Variants in EFNB2 observed in about 807,000 individuals in gnomAD.
EFNB2 encodes the protein ephrin-B2.
In EFNB2, 5 loss-of-function variants were observed where a neutral mutation model predicts 32.1. The observed-to-expected ratio is 0.16, with a 90% CI of 0.08 to 0.33. The LOEUF (loss-of-function observed/expected upper bound fraction) is 0.33, where lower values mean the gene tolerates loss of function less well. EFNB2 is among the 10% of genes least tolerant of loss of function. EFNB2 has a pLI of 1.00. For missense variants in EFNB2, 263 were observed against 422.6 expected, an observed-to-expected ratio of 0.62 and a Z score of 3.31; for synonymous variants, 168 against 166.5, an observed-to-expected ratio of 1.01 and a Z score of -0.07.
chr13:106,513,023 C>T (rs976497688), intron 1 of EFNB2, among the ~76,000 whole-genome samples: 1 of 152,032 alleles, frequency 6.6e-6, no homozygotes, highest in African/African-American at 2.4e-5. Context: ...AGAAAGAAAC[C>T]ACTTTCCTTA....
chr13:106,534,006 G>C (rs867587024), intron 1 of EFNB2, among the ~76,000 whole-genome samples: 19 of 152,200 alleles, frequency 1.2e-4, no homozygotes, highest in African/African-American at 4.6e-4. Context: ...TCCGGTAAGA[G>C]CAAATCTGAT....
intron 1 of EFNB2, among the ~76,000 whole-genome samples, chr13:106,523,584 G>A (rs1879606207): frequency 6.6e-6 from 1 of 152,178 alleles, no homozygotes; most frequent in Non-Finnish European, 1.5e-5. Flanking sequence ...GTAAGCAGAT[G>A]CTAAGCATGG....
intron 1 of EFNB2, among the ~76,000 whole-genome samples, chr13:106,513,488 T>A (rs1451045336): frequency 6.6e-6 from 1 of 152,188 alleles, no homozygotes; most frequent in African/African-American, 2.4e-5. Context: ...ACAACTACTG[T>A]CCCTGCCCTA....
chr13:106,531,944 TA>T (rs888988517), intron 1 of EFNB2, among the ~76,000 whole-genome samples: 4 of 151,792 alleles, frequency 2.6e-5, no homozygotes, highest in East Asian at 1.9e-4. Flanking sequence ...AATTTTTTTT[TA>T]AAAAAGAGCC....
chr13:106,501,131 AACTCAAATTAATGTAG>A (rs1156872401), intron 2 of EFNB2, among the ~76,000 whole-genome samples: 2 of 152,222 alleles, frequency 1.3e-5, no homozygotes, highest in East Asian at 3.8e-4. Context: ...CAATTTCTGA[AACTCAAATTAATGTAG>A]TTGAATGCCT....
Position 106,493,912 on chromosome 13 carries a change from C to T in EFNB2, c.614-484G>A, listed in dbSNP as rs933888465. ...CTGGCAGAACAGAACAGCTCGGGAA[C>T]GCGGAAGGAGTGAGGGGGCCTGGGA... On this transcript the variant is annotated intron_variant, in intron 4 of 4. Transcript: ENST00000646441. This position sits in a 1 kb window ranked among gnomAD's most constrained non-coding sequence, Gnocchi z 6.1. Among the ~76,000 whole-genome samples, 20 of 152,182 alleles carry T rather than the reference C, an allele frequency of 1.3e-4. No homozygotes were observed. The highest frequency in any genetic ancestry group is 2.1e-4 in the South Asian group (1 of 4,822).
rs183235175 is a variant in EFNB2, at chr13:106,535,152, G to A, written c.-188C>T. 2,388 of 445,938 alleles carry A rather than the reference G, an allele frequency of 5.4e-3. 46 individuals are homozygous for A. Among genetic ancestry groups the A allele is most frequent in the African/African-American group, 0.046 (2,170 of 47,230 alleles). The allele number at this position is 445,938 out of a possible 1,614,324, so 27.6% of individuals were successfully genotyped here. On this transcript the variant is annotated 5_prime_UTR_variant, in exon 1 of 5. Transcript: ENST00000646441. ...GCGCTCGCTCTCCGGGGCCCTCAGGGCGCGGGGCGGGAGCGCACGCGCGGG... is the reference window on the plus strand; with the variant it reads ...GCGCTCGCTCTCCGGGGCCCTCAGGACGCGGGGCGGGAGCGCACGCGCGGG...
At chr13:106,514,571 CAAACT>C (rs1421214980) in intron 1 of EFNB2, among the ~76,000 whole-genome samples, 5 of 152,304 alleles carry the variant, frequency 3.3e-5, no homozygotes, top group South Asian at 2.1e-4. Context: ...GCAGTAAGTA[CAAACT>C]AAATTCCATA....
intron 1 of EFNB2, among the ~76,000 whole-genome samples, chr13:106,533,467 G>A (rs1466980448): frequency 6.6e-6 from 1 of 152,258 alleles, no homozygotes; most frequent in Admixed American, 6.5e-5. Context: ...AGGAGGCAGA[G>A]CTAAGTAACT....
At position 106,534,999 on chromosome 13, in the gene EFNB2, CAAG is replaced by C. The variant is rs1170611029; in HGVS notation, c.-38_-36del. On this transcript the variant is annotated 5_prime_UTR_variant, in exon 1 of 5. Coordinates refer to ENST00000646441, the MANE Select transcript of EFNB2 (RefSeq NM_004093.4). ...ACTCCCAGCTCCGCGCACTCCGGGC[CAAG>C]AAGGGACTGACGGGACGCAGGCTGG... is the stretch of plus-strand genomic sequence containing the variant. The C allele has an allele frequency of 1.9e-6, 3 of 1,610,538 alleles. No homozygotes were observed. The highest frequency in any genetic ancestry group is 2.5e-6 in the Non-Finnish European group (3 of 1,178,386).
At chr13:106,508,873 C>G (rs1879043697) in intron 2 of EFNB2, among the ~76,000 whole-genome samples, 1 of 152,160 alleles carries the variant, frequency 6.6e-6, no homozygotes, top group Non-Finnish European at 1.5e-5. Flanking sequence ...TTTAAAAATA[C>G]AGTTCAAATT....
intron 1 of EFNB2, 120 bp downstream of exon 1, chr13:106,534,723 G>A (rs1414723997): frequency 5.1e-6 from 6 of 1,181,844 alleles, no homozygotes; most frequent in East Asian, 2.9e-5. Flanking sequence ...GGGGGTGGGG[G>A]ACGGGGAACC....
intron 1 of EFNB2, chr13:106,520,435 A>G (rs1029861771): frequency 2.6e-5 from 4 of 152,124 alleles, no homozygotes; most frequent in African/African-American, 9.7e-5. Context: ...CCTTCACCCC[A>G]CCATGTACTT....
chr13:106,494,690 AT>A (rs1211193293), intron 4 of EFNB2, among the ~76,000 whole-genome samples, 190 bp downstream of exon 4: 2 of 152,210 alleles, frequency 1.3e-5, no homozygotes, highest in Admixed American at 1.3e-4. Flanking sequence ...TATGACTTTC[AT>A]TGGAATGAGT....
chr13:106,527,769 C>A, intron 1 of EFNB2, among the ~76,000 whole-genome samples: 1 of 152,230 alleles, frequency 6.6e-6, no homozygotes, highest in East Asian at 1.9e-4. Flanking sequence ...ATCTCTAATA[C>A]TTCTGAAATA....
rs778657657 is a variant in EFNB2 at position 106,493,284 on chromosome 13, C to T, written c.758G>A (p.Arg253Gln). The T allele has an allele frequency of 1.5e-5, 25 of 1,614,134 alleles. No homozygotes were observed. The highest frequency in any genetic ancestry group is 1.6e-4 in the Middle Eastern group (1 of 6,062). Residue 253 changes from arginine to glutamine, a missense_variant, in exon 5 of 5, where the codon CGG (arginine) becomes CAG (glutamine). By Grantham distance (43) the Arg-to-Gln change is conservative. Transcript: ENST00000646441. The surrounding 1 kb of genome is among the most constrained non-coding windows in gnomAD (Gnocchi z 6.1). ...ITLVVLLLKY[R>Q]RRHRKHSPQH... ...CGGCGAGTGCTTCCTGTGTCTCCTC[C>T]GGTACTTCAGCAAGAGGACCACCAG...
chr13:106,495,011 T>C lies in EFNB2; in HGVS notation c.500-17A>G. 2 of 1,598,170 alleles carry C rather than the reference T, an allele frequency of 1.3e-6. No individual in the cohort carries two copies. Among genetic ancestry groups the C allele is most frequent in the South Asian group, 2.2e-5 (2 of 90,790 alleles). ...AACTTGCATCTATATGAAAAACAAATGATTAATTACGGCACAGACATCTGA... is the reference window on the plus strand; with the variant it reads ...AACTTGCATCTATATGAAAAACAAACGATTAATTACGGCACAGACATCTGA... On this transcript the variant is annotated splice_polypyrimidine_tract_variant and intron_variant, in intron 3 of 4. Coordinates refer to ENST00000646441, the MANE Select transcript of EFNB2 (RefSeq NM_004093.4).
intron 1 of EFNB2, among the ~76,000 whole-genome samples, chr13:106,533,685 C>T (rs1371199647): frequency 6.6e-6 from 1 of 152,166 alleles, no homozygotes; most frequent in East Asian, 1.9e-4. Flanking sequence ...CTCCTAAAAC[C>T]AGGCCCAACT....
intron 1 of EFNB2, chr13:106,517,272 A>T (rs1879346149): frequency 6.6e-6 from 1 of 152,202 alleles, no homozygotes; most frequent in Non-Finnish European, 1.5e-5. Context: ...TTCATCTTGT[A>T]ACCAAAAACA....
Sources: allele counts gnomAD v4.1 joint callset (sites outside exome capture counted in the v4.1 genomes callset), GRCh38; gene constraint gnomAD v4.1.1; non-coding constraint Gnocchi (gnomAD v3.1); transcripts MANE v1.5; gene names NCBI Gene and HGNC (gene_info 2026-07-23, HGNC 2026-07-21).